SMYD3: variants seen among roughly 807,000 people sequenced by gnomAD.
The protein encoded by SMYD3 is SET and MYND domain containing 3.
SMYD3 carries 36 observed loss-of-function variants against 57.7 expected under a neutral mutation model. The ratio of observed to expected loss-of-function variants is 0.62; its 90% confidence interval spans 0.48 to 0.82. SMYD3 has a LOEUF of 0.82. SMYD3 is among the 40% of genes least tolerant of loss of function. The pLI is 0.00. For synonymous variants in SMYD3, 211 were observed against 195.0 expected (o/e 1.08, Z -0.68); for missense variants, 515 against 538.8 (o/e 0.96, Z 0.44).
chr1:245,833,073 A>AAAAAAAACAAAAAAAAAAAACACAAC, intron 10 of SMYD3, among the ~76,000 whole-genome samples: 1 of 128,652 alleles, frequency 7.8e-6, no homozygotes, highest in Non-Finnish European at 1.6e-5. Context: ...AAAAAAAAAA[A>AAAAAAAACAAAAAAAAAAAACACAAC]AACCTGCTTT....
chr1:246,172,717 G>A (rs2062363066), intron 5 of SMYD3, among the ~76,000 whole-genome samples: 2 of 134,012 alleles, frequency 1.5e-5, no homozygotes, highest in Non-Finnish European at 1.6e-5. Context: ...GTTCTCTACT[G>A]CAGACTATCC....
At chr1:246,190,454 AG>A (rs2062715812) in intron 5 of SMYD3, among the ~76,000 whole-genome samples, 2 of 151,870 alleles carry the variant, frequency 1.3e-5, no homozygotes, top group Admixed American at 1.3e-4. Context: ...GCGTGGTGGC[AG>A]GCACCTGTAG....
intron 10 of SMYD3, among the ~76,000 whole-genome samples, chr1:245,831,341 A>G (rs10924347): frequency 0.86 from 130,513 of 152,226 alleles, 56,856 homozygotes; most frequent in Non-Finnish European, 0.95. Flanking sequence ...ATCTTCACCA[A>G]TGGGAAGGAG....
chr1:246,026,981 T>C (rs1051944565), intron 5 of SMYD3, among the ~76,000 whole-genome samples: 3 of 152,200 alleles, frequency 2.0e-5, no homozygotes, highest in Non-Finnish European at 4.4e-5. Context: ...AAAGTGCTAC[T>C]CCAGTGAACA....
chr1:246,071,896 GT>G (rs375037052), intron 5 of SMYD3, among the ~76,000 whole-genome samples: 1,179 of 48,718 alleles, frequency 0.024, 49 homozygotes, highest in Middle Eastern at 0.062. Flanking sequence ...GCTGCATCGT[GT>G]TAGTTCTGGG....
chr1:245,878,975 A>C (rs2052633032), intron 8 of SMYD3, among the ~76,000 whole-genome samples: 2 of 152,166 alleles, frequency 1.3e-5, no homozygotes, highest in South Asian at 4.1e-4. Context: ...CCATGAAACC[A>C]ATTTGTATTT....
At chr1:245,956,132 G>A in intron 5 of SMYD3, 1 of 885,412 alleles carries the variant, frequency 1.1e-6, no homozygotes, top group Non-Finnish European at 1.4e-6. Flanking sequence ...TGCCCAGGCT[G>A]GTCTCAAACT....
At chr1:246,031,330 T>C (rs2059669530) in intron 5 of SMYD3, among the ~76,000 whole-genome samples, 1 of 152,146 alleles carries the variant, frequency 6.6e-6, no homozygotes, top group Admixed American at 6.6e-5. Context: ...ATTTAGGTAT[T>C]AAATATATAT....
At chr1:246,306,584 T>A (rs1414287706) in intron 5 of SMYD3, among the ~76,000 whole-genome samples, 1 of 152,150 alleles carries the variant, frequency 6.6e-6, no homozygotes, top group Non-Finnish European at 1.5e-5. Context: ...GATCACACAA[T>A]ACATAAAAAT....
intron 5 of SMYD3, among the ~76,000 whole-genome samples, chr1:246,261,886 A>G (rs565369561): frequency 6.6e-6 from 1 of 152,316 alleles, no homozygotes; most frequent in South Asian, 2.1e-4. Context: ...ATTTCTGGCA[A>G]TTCTTAAATC....
chr1:246,120,862 G>C (rs6687018), intron 5 of SMYD3, among the ~76,000 whole-genome samples: 84,178 of 152,024 alleles, frequency 0.55, 25,083 homozygotes, highest in Non-Finnish European at 0.68. Context: ...CAGGGAGCAC[G>C]TATCACACAA....
chr1:246,123,147 G>A (rs6694125), intron 5 of SMYD3, among the ~76,000 whole-genome samples: 12,263 of 152,118 alleles, frequency 0.081, 987 homozygotes, highest in African/African-American at 0.19. Context: ...TCTGACATTT[G>A]GAAGTGCCAG....
At chr1:246,383,772 C>A (rs932628401) in intron 1 of SMYD3, among the ~76,000 whole-genome samples, 2 of 152,188 alleles carry the variant, frequency 1.3e-5, no homozygotes, top group African/African-American at 4.8e-5. Flanking sequence ...CCAAAGTTAA[C>A]AAATAACTCC....
At chr1:245,828,118 T>C (rs1227087617) in intron 10 of SMYD3, among the ~76,000 whole-genome samples, 2 of 152,238 alleles carry the variant, frequency 1.3e-5, no homozygotes, top group Non-Finnish European at 2.9e-5. Flanking sequence ...AAATTCCTAG[T>C]CTTTATCCAC....
chr1:246,456,147 C>A (rs1192001160), intron 1 of SMYD3, among the ~76,000 whole-genome samples: 4 of 152,128 alleles, frequency 2.6e-5, no homozygotes, highest in African/African-American at 9.7e-5. Context: ...GCCCAATTTT[C>A]TTCTCATTCT....
chr1:246,252,925 A>G (rs759895575), intron 5 of SMYD3, among the ~76,000 whole-genome samples: 1 of 152,208 alleles, frequency 6.6e-6, no homozygotes, highest in African/African-American at 2.4e-5. Flanking sequence ...ACACACTGAA[A>G]CTTGTGACCC....
intron 3 of SMYD3, among the ~76,000 whole-genome samples, chr1:246,333,184 G>A (rs989956042): frequency 1.3e-5 from 2 of 152,184 alleles, no homozygotes; most frequent in African/African-American, 4.8e-5. Flanking sequence ...AACATGAACC[G>A]GAGTTCAGAA....
At chr1:246,431,084 G>C (rs1369030581) in intron 1 of SMYD3, among the ~76,000 whole-genome samples, 1 of 152,092 alleles carries the variant, frequency 6.6e-6, no homozygotes, top group African/African-American at 2.4e-5. Context: ...GGTCAGAAAA[G>C]GATGCTTAGA....
chr1:246,243,535 C>T (rs1193309929), intron 5 of SMYD3, among the ~76,000 whole-genome samples: 4 of 150,918 alleles, frequency 2.7e-5, no homozygotes, highest in Non-Finnish European at 4.4e-5. Context: ...ATTAGAAAGA[C>T]GTTGGTCTTC....
Sources: gnomAD v4.1 joint callset for allele counts (sites outside exome capture counted in the v4.1 genomes callset) on GRCh38, gnomAD v4.1.1 for gene constraint, MANE v1.5 for transcripts, NCBI Gene and HGNC (gene_info 2026-07-23, HGNC 2026-07-21) for gene names.